The following PSIP1 variants were observed in gnomAD, a reference collection of about 807,000 sequenced individuals.
PSIP1 encodes the protein PC4 and SFRS1-interacting protein.
Under a neutral mutation model 74.7 loss-of-function variants are expected in PSIP1, and 19 were observed. The observed-to-expected ratio is 0.25, with a 90% CI of 0.18 to 0.37. The LOEUF (loss-of-function observed/expected upper bound fraction) is 0.37. Ranked by LOEUF, PSIP1 falls within the 10% of genes least tolerant of loss-of-function variation. PSIP1 has a pLI of 1.00. For missense variants in PSIP1, 601 were observed against 614.3 expected, an observed-to-expected ratio of 0.98 and a Z score of 0.23; for synonymous variants, 222 against 195.3, an observed-to-expected ratio of 1.14 and a Z score of -1.14.
At chr9:15,479,994 T>C (rs1486828132) in intron 6 of PSIP1, among the ~76,000 whole-genome samples, 4 of 152,338 alleles carry the variant, frequency 2.6e-5, no homozygotes, top group South Asian at 4.1e-4. Flanking sequence ...ACTAACACAA[T>C]GTTATTTCTA....
chr9:15,484,651 T>A (rs1170936275), intron 6 of PSIP1, among the ~76,000 whole-genome samples: 2 of 151,724 alleles, frequency 1.3e-5, no homozygotes, highest in Non-Finnish European at 2.9e-5. Context: ...CACGTGAACC[T>A]GGGAGGTGAA....
At chr9:15,503,668 A>T (rs1464721249) in intron 3 of PSIP1, among the ~76,000 whole-genome samples, 1 of 152,054 alleles carries the variant, frequency 6.6e-6, no homozygotes, top group African/African-American at 2.4e-5. Context: ...TCCAAAAAAA[A>T]AAAAACTTCA....
In PSIP1 at chr9:15,474,206, CCTTTTT is replaced by C. The variant is rs1218401133; in HGVS notation, c.655_660del (p.Lys219_Lys220del). On this transcript the variant is annotated inframe_deletion, in exon 9 of 16. Coordinates refer to ENST00000380733, the MANE Select transcript of PSIP1 (RefSeq NM_033222.5). ...TTTTTAGGTTGTTTTTCCTCTTGCC[CCTTTTT>C]CTTACTTTTGTCCTCTTCAGTAATG... The C allele has an allele frequency of 6.2e-7, 1 of 1,612,434 alleles. No individual in the cohort carries two copies. Among genetic ancestry groups the C allele is most frequent in the Non-Finnish European group, 8.5e-7 (1 of 1,179,590 alleles).
At chr9:15,485,823 A>G (rs1328132689) in intron 6 of PSIP1, 183 bp downstream of exon 6, 1 of 468,416 alleles carries the variant, frequency 2.1e-6, no homozygotes, top group Non-Finnish European at 3.7e-6. Context: ...AGTTACTTTA[A>G]GGGTGCTATA....
intron 2 of PSIP1, among the ~76,000 whole-genome samples, chr9:15,509,202 G>A (rs1016795307): frequency 4.6e-5 from 7 of 152,136 alleles, no homozygotes; most frequent in Non-Finnish European, 7.4e-5. Context: ...AAAATAAATG[G>A]CTTGGAAAAA....
In PSIP1 at chr9:15,488,681, T is replaced by C. The variant is rs2036667268; in HGVS notation, c.288+1305A>G. ...GTGGGCAGATCACAAGGTCAGAAGA[T>C]TGAGACCATCCTGGCTAACAAGGTG... On this transcript the variant is annotated intron_variant, in intron 4 of 15. Coordinates refer to ENST00000380733, the MANE Select transcript of PSIP1 (RefSeq NM_033222.5). Among the ~76,000 whole-genome samples the C allele has an allele frequency of 2.0e-5, 3 of 152,102 alleles. No individual in the cohort carries two copies. The South Asian group carries it at 6.2e-4, about 32-fold the overall frequency.
chr9:15,472,106 G>C, intron 10 of PSIP1: 1 of 983,678 alleles, frequency 1.0e-6, no homozygotes, highest in Non-Finnish European at 1.2e-6. Context: ...AAATTTAAGA[G>C]AAAACAGCTT....
intron 3 of PSIP1, among the ~76,000 whole-genome samples, chr9:15,491,354 A>C (rs2132148783): frequency 6.6e-6 from 1 of 152,358 alleles, no homozygotes; most frequent in South Asian, 2.1e-4. Flanking sequence ...TGAAAAAAGA[A>C]GGCAAGCATT....
At chr9:15,509,525 T>C (rs1430265257) in intron 2 of PSIP1, among the ~76,000 whole-genome samples, 1 of 152,136 alleles carries the variant, frequency 6.6e-6, no homozygotes, top group Non-Finnish European at 1.5e-5. Context: ...GTCATAAACA[T>C]CTCAAATAAA....
chr9:15,466,621 A>T, intron 15 of PSIP1, 127 bp downstream of exon 15: 1 of 654,962 alleles, frequency 1.5e-6, no homozygotes, highest in Non-Finnish European at 2.4e-6. Flanking sequence ...TAACTTGCTT[A>T]CTGAATTCAG....
At chr9:15,496,882 G>A (rs753116420) in intron 3 of PSIP1, among the ~76,000 whole-genome samples, 3 of 152,056 alleles carry the variant, frequency 2.0e-5, no homozygotes, top group Non-Finnish European at 4.4e-5. Context: ...ATATACTACC[G>A]TCACTCCCAC....
chr9:15,499,665 G>A (rs1171031668), intron 3 of PSIP1, among the ~76,000 whole-genome samples: 3 of 152,148 alleles, frequency 2.0e-5, no homozygotes, highest in South Asian at 2.1e-4. Flanking sequence ...TTTGAGCCCA[G>A]GAGTTCAAGA....
Position 15,510,287 on chromosome 9 carries a change from C to G in PSIP1, c.-99G>C. 1 of 978,690 alleles carries G rather than the reference C, an allele frequency of 1.0e-6. No individual in the cohort carries two copies. Among genetic ancestry groups the G allele is most frequent in the Non-Finnish European group, 1.4e-6 (1 of 695,828 alleles). The allele number at this position is 978,690 out of a possible 1,614,324, so 60.6% of individuals were successfully genotyped here. A position where few individuals can be genotyped will look rare whatever the true frequency, so the allele number is the denominator to read the frequency against. ...GCGGACGCGGGCCCAGCTACCGGGC[C>G]CGCGGGCGGGGGAGGATGCCTCGGG... On this transcript the variant is annotated 5_prime_UTR_variant, in exon 2 of 16. Transcript: ENST00000380733.
Position 15,469,947 on chromosome 9 carries a change from T to C in PSIP1, c.1024A>G (p.Lys342Glu), listed in dbSNP as rs202106185. ...GKKPEVKKVE[K>E]KRETSMDSRL... ...AAGTGAAATAACTAACCTCGCTTCT[T>C]CTCCACTTTCTTAACTTCTGGCTTC... The change falls in exon 11 of 16, where the codon AAG becomes GAG. Residue 342 changes from lysine (K) to glutamate (E), a missense_variant. By Grantham distance (56) the Lys-to-Glu change is moderately conservative. Around this residue, in one of 2 missense-constraint regions of PSIP1, gnomAD observed 538 missense variants for 507.6 expected, o/e 1.06. Coordinates refer to ENST00000380733, the MANE Select transcript of PSIP1 (RefSeq NM_033222.5). The C allele has an allele frequency of 6.2e-7, 1 of 1,607,820 alleles. No homozygotes were observed. Among genetic ancestry groups the C allele is most frequent in the Admixed American group, 1.7e-5 (1 of 59,984 alleles).
At chr9:15,502,021 T>C (rs541991634) in intron 3 of PSIP1, among the ~76,000 whole-genome samples, 1 of 152,122 alleles carries the variant, frequency 6.6e-6, no homozygotes, top group East Asian at 1.9e-4. Context: ...GTGGCAGCAT[T>C]AGATCCTCAC....
chr9:15,498,667 T>TA (rs1208176862), intron 3 of PSIP1, among the ~76,000 whole-genome samples: 1 of 151,880 alleles, frequency 6.6e-6, no homozygotes, highest in Admixed American at 6.6e-5. Context: ...AAATTACATA[T>TA]AAAAAAATCC....
chr9:15,499,777 G>C (rs180748195), intron 3 of PSIP1, among the ~76,000 whole-genome samples: 72 of 152,030 alleles, frequency 4.7e-4, no homozygotes, highest in African/African-American at 1.1e-3. Context: ...AGGAGGCTGA[G>C]GCAGGAGAAT....
At chr9:15,479,299 C>T (rs918222108) in intron 7 of PSIP1, among the ~76,000 whole-genome samples, 4 of 152,074 alleles carry the variant, frequency 2.6e-5, no homozygotes, top group South Asian at 2.1e-4. Flanking sequence ...TGAAATCTTA[C>T]GACTCTTAAG....
intron 14 of PSIP1, among the ~76,000 whole-genome samples, chr9:15,467,476 G>T (rs1359959179): frequency 6.6e-6 from 1 of 152,188 alleles, no homozygotes; most frequent in Non-Finnish European, 1.5e-5. Flanking sequence ...TGGAGGAGCT[G>T]ATAATGGTAC....
Sources: allele counts gnomAD v4.1 joint callset (sites outside exome capture counted in the v4.1 genomes callset), GRCh38; gene constraint gnomAD v4.1.1; regional missense constraint gnomAD v4.1.1; transcripts MANE v1.5; gene names NCBI Gene and HGNC (gene_info 2026-07-23, HGNC 2026-07-21).